Variants in FARP1 observed in about 807,000 individuals in gnomAD.
FARP1 encodes FERM, ARHGEF and pleckstrin domain-containing protein 1.
A neutral mutation model predicts 128.8 loss-of-function variants in FARP1; 52 were observed. The ratio of observed to expected loss-of-function variants is 0.40; its 90% CI spans 0.32 to 0.51. FARP1 has a LOEUF of 0.51. Ranked by LOEUF, FARP1 falls within the 20% of genes least tolerant of loss-of-function variation. The probability of loss-of-function intolerance (pLI) is 0.45; values close to 1 mark genes in which losing one functional copy is unlikely to be tolerated. For synonymous variants in FARP1, 580 were observed against 551.8 expected (o/e 1.05, Z -0.72); for missense variants, 1,333 against 1,367.9 (o/e 0.97, Z 0.40).
intron 2 of FARP1, among the ~76,000 whole-genome samples, chr13:98,282,762 T>A (rs1884991231): frequency 6.6e-6 from 1 of 151,956 alleles, no homozygotes. Flanking sequence ...AATTAGCTGG[T>A]GTGCGGCACG....
intron 2 of FARP1, among the ~76,000 whole-genome samples, chr13:98,299,502 A>C (rs1347662504): frequency 6.6e-6 from 1 of 152,194 alleles, no homozygotes; most frequent in Non-Finnish European, 1.5e-5. Context: ...CCTATTCTAC[A>C]GAAGACTCAT....
chr13:98,341,628 T>C (rs1458465347), intron 2 of FARP1, among the ~76,000 whole-genome samples: 4 of 152,100 alleles, frequency 2.6e-5, no homozygotes, highest in African/African-American at 4.8e-5. Context: ...GGAAACTCCG[T>C]TTCAAAAAAA....
chr13:98,236,308 A>G (rs1444549676), intron 2 of FARP1, among the ~76,000 whole-genome samples: 1 of 152,206 alleles, frequency 6.6e-6, no homozygotes, highest in African/African-American at 2.4e-5. Flanking sequence ...AAAACTTACG[A>G]AAAAGAACTA....
chr13:98,248,172 C>CT (rs1883159096), intron 2 of FARP1, among the ~76,000 whole-genome samples: 1 of 152,196 alleles, frequency 6.6e-6, no homozygotes, highest in South Asian at 2.1e-4. Flanking sequence ...AATGACACCT[C>CT]TGTCTAATAT....
At chr13:98,370,444 G>A (rs984289266) in intron 5 of FARP1, among the ~76,000 whole-genome samples, 2 of 152,150 alleles carry the variant, frequency 1.3e-5, no homozygotes, top group Non-Finnish European at 2.9e-5. Context: ...CCAATAGGTA[G>A]CAGTAGAAAT....
chr13:98,280,366 C>T (rs1462490908), intron 2 of FARP1, among the ~76,000 whole-genome samples: 2 of 152,146 alleles, frequency 1.3e-5, no homozygotes, highest in Admixed American at 1.3e-4. Flanking sequence ...TTTCAGGCCT[C>T]GGCGGCTGCT....
In FARP1 at chr13:98,319,483, G is replaced by A. The variant is rs1304223554; in HGVS notation, c.172-24279G>A. ...AAAATACAAAAAATTAGCCAGGCGT[G>A]GTAGCAGGCACCTGTAGTCCCAGCT... is the stretch of plus-strand genomic sequence containing the variant. On this transcript the variant is annotated intron_variant, in intron 2 of 26. Coordinates refer to ENST00000319562, the MANE Select transcript of FARP1 (RefSeq NM_005766.4). Among the ~76,000 whole-genome samples, 10 of 152,224 alleles carry A rather than the reference G, an allele frequency of 6.6e-5. 1 individual carries two copies. In the South Asian group the frequency reaches 2.1e-3, roughly 32 times the overall value.
At chr13:98,343,117 A>G (rs534603913) in intron 2 of FARP1, among the ~76,000 whole-genome samples, 1 of 152,316 alleles carries the variant, frequency 6.6e-6, no homozygotes, top group African/African-American at 2.4e-5. Context: ...TGAGTCCTGT[A>G]TGAGTCCAGC....
chr13:98,286,042 G>A (rs1885150755), intron 2 of FARP1, among the ~76,000 whole-genome samples: 1 of 152,068 alleles, frequency 6.6e-6, no homozygotes, highest in Non-Finnish European at 1.5e-5. Context: ...ATCTAACACT[G>A]AATTGACTCT....
intron 1 of FARP1, among the ~76,000 whole-genome samples, chr13:98,209,544 C>T (rs1461670353): frequency 6.9e-6 from 1 of 144,578 alleles, no homozygotes; most frequent in African/African-American, 2.5e-5. Context: ...CGCCTGTAAT[C>T]CCAGCACTTT....
At chr13:98,273,679 G>T (rs9554460) in intron 2 of FARP1, among the ~76,000 whole-genome samples, 43,417 of 152,114 alleles carry the variant, frequency 0.29, 6,557 homozygotes, top group South Asian at 0.46. Context: ...TGAAGTAACA[G>T]TGATGAAAAT....
intron 2 of FARP1, among the ~76,000 whole-genome samples, chr13:98,308,950 G>T (rs1886315435): frequency 6.6e-6 from 1 of 151,852 alleles, no homozygotes; most frequent in Admixed American, 6.6e-5. Context: ...CAAAGTGCTG[G>T]GATTACAGGC....
Position 98,448,227 on chromosome 13 carries a change from G to A in FARP1, c.3057-9G>A, listed in dbSNP as rs554138579. 96 of 1,612,786 alleles carry A rather than the reference G, an allele frequency of 6.0e-5. 2 individuals are homozygous for A. In the South Asian group the frequency reaches 9.4e-4, roughly 16 times the overall value. ...AAAAGGTTGACTAACTGGCGTTCCC[G>A]TGTTGCAGGTGGATGGAAGTGATCC... On this transcript the variant is annotated splice_polypyrimidine_tract_variant and intron_variant, in intron 26 of 26. Transcript: ENST00000319562.
chr13:98,356,663 C>T (rs9517269), intron 3 of FARP1, among the ~76,000 whole-genome samples: 98,849 of 137,730 alleles, frequency 0.72, 33,565 homozygotes, highest in Middle Eastern at 0.8. Context: ...ATTTTTGAGA[C>T]AGCCTCGCTC....
chr13:98,308,544 T>A (rs999757677), intron 2 of FARP1, among the ~76,000 whole-genome samples: 1 of 152,194 alleles, frequency 6.6e-6, no homozygotes, highest in Non-Finnish European at 1.5e-5. Flanking sequence ...GAGACATGGC[T>A]CCTCCAGACT....
intron 1 of FARP1, among the ~76,000 whole-genome samples, chr13:98,204,951 A>C (rs1769421636): frequency 6.6e-6 from 1 of 152,130 alleles, no homozygotes; most frequent in African/African-American, 2.4e-5. Context: ...CTATCTAAAA[A>C]AAAAATAGCA....
At chr13:98,447,078 C>G (rs902390327) in intron 26 of FARP1, 9 of 456,882 alleles carry the variant, frequency 2.0e-5, no homozygotes, top group Non-Finnish European at 2.8e-5. Flanking sequence ...TCTGACATAA[C>G]GTGTCCGGGA....
chr13:98,430,601 C>T (rs142458586), intron 17 of FARP1, among the ~76,000 whole-genome samples: 1,589 of 152,288 alleles, frequency 0.01, 24 homozygotes, highest in African/African-American at 0.03. Context: ...TCTGAGCAGA[C>T]GGGGCGAGGG....
chr13:98,290,577 G>A (rs1330405310), intron 2 of FARP1, among the ~76,000 whole-genome samples: 1 of 152,056 alleles, frequency 6.6e-6, no homozygotes, highest in Non-Finnish European at 1.5e-5. Context: ...ATTGCAGTAG[G>A]CCAGGAACAG....
Sources: allele counts gnomAD v4.1 joint callset (sites outside exome capture counted in the v4.1 genomes callset), GRCh38; gene constraint gnomAD v4.1.1; transcripts MANE v1.5; gene names NCBI Gene and HGNC (gene_info 2026-07-23, HGNC 2026-07-21).